The following LYST variants were observed in gnomAD, a reference collection of about 807,000 sequenced individuals.
LYST encodes the protein lysosomal trafficking regulator.
Under a neutral mutation model 413.6 loss-of-function variants are expected in LYST, and 192 were observed. The ratio of observed to expected loss-of-function variants is 0.46; its 90% CI spans 0.41 to 0.52. The LOEUF is 0.52. LYST is among the 20% of genes least tolerant of loss of function. LYST has a pLI of 0.00. For missense variants in LYST, 3,815 were observed against 4,499.9 expected (o/e 0.85, Z 4.35); for synonymous variants, 1,525 against 1,567.3 (o/e 0.97, Z 0.64).
intron 45 of LYST, among the ~76,000 whole-genome samples, chr1:235,699,590 AC>A (rs1661389448): frequency 6.6e-6 from 1 of 152,210 alleles, no homozygotes; most frequent in Admixed American, 6.5e-5. Context: ...TTGAGTATAT[AC>A]CCAGTAATGG....
intron 20 of LYST, among the ~76,000 whole-genome samples, chr1:235,768,867 C>A (rs976890193): frequency 6.6e-6 from 1 of 151,962 alleles, no homozygotes; most frequent in Non-Finnish European, 1.5e-5. Context: ...AAGGATCAAT[C>A]GACATATTCT....
At position 235,724,102 on chromosome 1, in the gene LYST, G is replaced by A; in HGVS notation, c.9241C>T (p.Gln3081Ter). ...ATTTCTACAGCATTATCTCTCAATT[G>A]CCACCAACGCTTGTGAACTTCTTTA... ...EIKEVHKRWW[Q>*]LRDNAVEIFL... Residue 3081 changes from glutamine (Q) to a stop codon, truncating the protein, a stop_gained, in exon 39 of 53, where the codon CAA becomes TAA. Transcript: ENST00000389793. LOFTEE classifies it high-confidence loss of function. 6.2e-7 allele frequency: 1 copy of A among 1,612,958 alleles called. No individual in the cohort carries two copies.
chr1:235,730,717 C>T, intron 36 of LYST, 130 bp downstream of exon 36: 1 of 718,150 alleles, frequency 1.4e-6, no homozygotes, highest in South Asian at 1.6e-5. Context: ...TAACCTTGTC[C>T]TCCCTTGAGC....
intron 3 of LYST, among the ~76,000 whole-genome samples, chr1:235,815,442 A>G (rs901437842): frequency 3.3e-5 from 5 of 152,212 alleles, no homozygotes; most frequent in Non-Finnish European, 5.9e-5. Flanking sequence ...CAGATACTTA[A>G]TTGATGAGAA....
chr1:235,729,763 AG>A, intron 36 of LYST, 106 bp from the exon 37 acceptor site: 1 of 792,622 alleles, frequency 1.3e-6, no homozygotes, highest in Non-Finnish European at 2.2e-6. Context: ...CAGACTAGAT[AG>A]AGTTCCAATA....
chr1:235,867,012 C>T (rs1002335912), upstream of LYST: 2 of 152,536 alleles, frequency 1.3e-5, no homozygotes, highest in Admixed American at 1.3e-4. Context: ...ACCCGCTCGT[C>T]TGCGCGTGCG....
intron 42 of LYST, among the ~76,000 whole-genome samples, chr1:235,713,480 A>G (rs879476112): frequency 3.3e-5 from 5 of 152,242 alleles, no homozygotes; most frequent in Non-Finnish European, 7.3e-5. Flanking sequence ...ATTAAACAGT[A>G]CTACTACAAA....
At chr1:235,712,789 A>T in intron 42 of LYST, 1 of 984,860 alleles carries the variant, frequency 1.0e-6, no homozygotes, top group Non-Finnish European at 1.2e-6. Context: ...AATAAAAATA[A>T]GCATAGTCAC....
In LYST at chr1:235,674,872, A is replaced by G. The variant is rs1304920468; in HGVS notation, c.11038+2219T>C. Among the ~76,000 whole-genome samples the G allele has an allele frequency of 6.6e-6, 1 of 152,032 alleles. No homozygotes were observed. The highest frequency in any genetic ancestry group is 6.6e-5 in the Admixed American group (1 of 15,258). On this transcript the variant is annotated intron_variant, in intron 50 of 52. Coordinates refer to ENST00000389793, the MANE Select transcript of LYST (RefSeq NM_000081.4). The surrounding 1 kb of genome is among the most constrained non-coding windows in gnomAD (Gnocchi z 4.1). ...AAAAATGGTTTAGAAAATAGAAAGG[A>G]CTCATAACATCAATCTTTATCCCCC...
intron 1 of LYST, among the ~76,000 whole-genome samples, chr1:235,842,358 G>A (rs1485543702): frequency 6.6e-6 from 1 of 152,114 alleles, no homozygotes; most frequent in African/African-American, 2.4e-5. Context: ...TGAAACAAGC[G>A]GTCCCAGATG....
intron 45 of LYST, 41 bp downstream of exon 45, chr1:235,702,706 A>G (rs1437576665): frequency 1.3e-6 from 2 of 1,522,328 alleles, no homozygotes; most frequent in South Asian, 2.2e-5. Context: ...CAAGAGTCTA[A>G]TCAGGTTTTG....
At chr1:235,808,171 ATCC>A (rs1224633657) in intron 5 of LYST, among the ~76,000 whole-genome samples, 1 of 152,224 alleles carries the variant, frequency 6.6e-6, no homozygotes, top group Non-Finnish European at 1.5e-5. Context: ...CAATGGCTGT[ATCC>A]TCTTCTCTAT....
At chr1:235,689,008 TAA>T (rs1429205467) in intron 47 of LYST, among the ~76,000 whole-genome samples, 1 of 133,262 alleles carries the variant, frequency 7.5e-6, no homozygotes, top group Non-Finnish European at 1.6e-5. Context: ...ATAATAATAA[TAA>T]TAATAATAAT....
chr1:235,693,068 C>T (rs553711490), intron 47 of LYST, among the ~76,000 whole-genome samples: 1 of 152,198 alleles, frequency 6.6e-6, no homozygotes, highest in African/African-American at 2.4e-5. Flanking sequence ...GTAATCCCAG[C>T]ACTTTGGGAG....
intron 47 of LYST, among the ~76,000 whole-genome samples, chr1:235,691,762 T>A (rs1440437554): frequency 6.8e-6 from 1 of 146,628 alleles, no homozygotes; most frequent in Non-Finnish European, 1.5e-5. Context: ...AATGGCACGA[T>A]CTCAGCTCAC....
intron 3 of LYST, 136 bp downstream of exon 3, chr1:235,830,089 CT>C (rs200095105): frequency 1.3e-3 from 770 of 611,208 alleles, no homozygotes; most frequent in African/African-American, 3.3e-3. Flanking sequence ...AATAGGTCCA[CT>C]TTTTTTTTAG....
chr1:235,706,150 G>A (rs962000920), intron 44 of LYST, among the ~76,000 whole-genome samples: 14 of 152,202 alleles, frequency 9.2e-5, no homozygotes, highest in South Asian at 2.1e-4. Flanking sequence ...AATCAGACCC[G>A]AAGCCTTGCA....
chr1:235,830,550 T>A, intron 2 of LYST, 126 bp from the exon 3 acceptor site: 1 of 737,364 alleles, frequency 1.4e-6, no homozygotes, highest in Non-Finnish European at 2.2e-6. Context: ...AATTGGTACT[T>A]AACCCTATAA....
intron 1 of LYST, among the ~76,000 whole-genome samples, chr1:235,881,452 C>T (rs1681371185): frequency 6.6e-6 from 1 of 152,154 alleles, no homozygotes; most frequent in South Asian, 2.1e-4. Context: ...AATTACCATA[C>T]CATCCAACAA....
Sources: allele counts gnomAD v4.1 joint callset (sites outside exome capture counted in the v4.1 genomes callset), GRCh38; gene constraint gnomAD v4.1.1; non-coding constraint Gnocchi (gnomAD v3.1); transcripts MANE v1.5; gene names NCBI Gene and HGNC (gene_info 2026-07-23, HGNC 2026-07-21).